Variants in ADAM32 observed in about 807,000 individuals in gnomAD.
The protein encoded by ADAM32 is disintegrin and metalloproteinase domain-containing protein 32.
In ADAM32, 89 loss-of-function variants were observed where a neutral mutation model predicts 114.9. The observed-to-expected ratio is 0.77, with a 90% CI of 0.65 to 0.92. The LOEUF is 0.92. Ranked by LOEUF, ADAM32 falls within the 40% of genes least tolerant of loss-of-function variation. ADAM32 has a pLI of 0.00. For synonymous variants in ADAM32, 285 were observed against 307.5 expected, an observed-to-expected ratio of 0.93 and a Z score of 0.77; for missense variants, 870 against 932.8, an observed-to-expected ratio of 0.93 and a Z score of 0.88.
intron 3 of ADAM32, among the ~76,000 whole-genome samples, chr8:39,141,174 T>C (rs1803130816): frequency 6.6e-6 from 1 of 152,192 alleles, no homozygotes. Context: ...GAAGGGATTT[T>C]GTGTCTCCAT....
At chr8:39,227,184 T>C (rs1203117912) in intron 14 of ADAM32, among the ~76,000 whole-genome samples, 2 of 152,006 alleles carry the variant, frequency 1.3e-5, no homozygotes, top group African/African-American at 4.8e-5. Context: ...ATACCATGAG[T>C]GCCCCAACTG....
intron 18 of ADAM32, 115 bp downstream of exon 18, chr8:39,254,631 G>T (rs929265620): frequency 2.8e-6 from 2 of 725,010 alleles, no homozygotes; most frequent in Non-Finnish European, 4.2e-6. Context: ...TAATAAAAAG[G>T]TAATCAGAAT....
chr8:39,155,959 T>C (rs938432542), intron 6 of ADAM32, among the ~76,000 whole-genome samples: 4 of 152,298 alleles, frequency 2.6e-5, no homozygotes, highest in African/African-American at 9.6e-5. Flanking sequence ...GCTGCTGCTA[T>C]ACAGCTTTGT....
At chr8:39,235,317 T>G (rs1008491543) in intron 16 of ADAM32, among the ~76,000 whole-genome samples, 3 of 152,134 alleles carry the variant, frequency 2.0e-5, no homozygotes, top group East Asian at 1.9e-4. Context: ...AGCCTTGGTA[T>G]CCTTAGATAT....
intron 11 of ADAM32, among the ~76,000 whole-genome samples, chr8:39,201,703 G>T (rs1270609316): frequency 6.6e-6 from 1 of 152,156 alleles, no homozygotes; most frequent in Non-Finnish European, 1.5e-5. Context: ...CCTGTCTTGT[G>T]GCAGTTTTCA....
rs1809051889 is a variant in ADAM32 at position 39,222,616 on chromosome 8, GTTT to G, written c.1327-420_1327-418del. 2.6e-5 allele frequency among the ~76,000 whole-genome samples: 4 copies of G among 152,160 alleles called. No individual in the cohort carries two copies. The South Asian group carries it at 8.3e-4, about 32-fold the overall frequency. ...AATAACACTTCTGTTTCCCTCTGCA[GTTT>G]TTTATGTTTCACAGTTGTCATAGAA... On this transcript the variant is annotated intron_variant, in intron 13 of 24. Transcript: ENST00000379907.
At chr8:39,281,542 C>T (rs1426286771) in intron 23 of ADAM32, among the ~76,000 whole-genome samples, 1 of 152,170 alleles carries the variant, frequency 6.6e-6, no homozygotes, top group South Asian at 2.1e-4. Context: ...GTTGCATTTA[C>T]ACCCCCAAAA....
At chr8:39,215,534 A>G (rs965524299) in intron 12 of ADAM32, among the ~76,000 whole-genome samples, 52 of 151,960 alleles carry the variant, frequency 3.4e-4, no homozygotes, top group Non-Finnish European at 1.2e-4. Context: ...AGCTATAAAC[A>G]TACCTTTTAG....
At chr8:39,267,682 A>G (rs984643112) in intron 19 of ADAM32, among the ~76,000 whole-genome samples, 1 of 152,174 alleles carries the variant, frequency 6.6e-6, no homozygotes, top group African/African-American at 2.4e-5. Context: ...CAAACAGAGG[A>G]AAGCAGGGGT....
chr8:39,274,199 T>C (rs1021887876), intron 20 of ADAM32, 113 bp from the exon 21 acceptor site: 5 of 966,754 alleles, frequency 5.2e-6, no homozygotes, highest in Non-Finnish European at 8.1e-6. Flanking sequence ...TATTTATTAG[T>C]AATTAGTCTT....
intron 12 of ADAM32, 96 bp from the exon 13 acceptor site, chr8:39,221,514 C>A (rs1243854040): frequency 2.1e-6 from 2 of 943,328 alleles, no homozygotes; most frequent in African/African-American, 1.7e-5. Flanking sequence ...TATCCTTTTC[C>A]AAATTCAAAC....
chr8:39,136,868 A>G, intron 3 of ADAM32, 150 bp downstream of exon 3: 1 of 608,516 alleles, frequency 1.6e-6, no homozygotes. Context: ...ACTTAATTAA[A>G]TTTTGGTTTT....
At chr8:39,218,472 C>T (rs1431678092) in intron 12 of ADAM32, among the ~76,000 whole-genome samples, 2 of 152,160 alleles carry the variant, frequency 1.3e-5, no homozygotes, top group African/African-American at 4.8e-5. Context: ...CTCACAGCCC[C>T]TGGGCAGGTG....
At chr8:39,134,541 C>G (rs1802672064) in intron 2 of ADAM32, among the ~76,000 whole-genome samples, 1 of 152,108 alleles carries the variant, frequency 6.6e-6, no homozygotes, top group Non-Finnish European at 1.5e-5. Context: ...TTCTAGTTCT[C>G]TCTCCTAGAT....
chr8:39,110,167 C>A (rs1329279566), intron 1 of ADAM32, among the ~76,000 whole-genome samples: 1 of 152,160 alleles, frequency 6.6e-6, no homozygotes, highest in Non-Finnish European at 1.5e-5. Flanking sequence ...CCTCCCGGTT[C>A]AAGCAATTTT....
At chr8:39,279,616 A>C (rs1229107345) in intron 22 of ADAM32, among the ~76,000 whole-genome samples, 1 of 152,042 alleles carries the variant, frequency 6.6e-6, no homozygotes, top group African/African-American at 2.4e-5. Context: ...TTCTTCATGT[A>C]TTACATCTTT....
rs182319051 is a variant in ADAM32, at chr8:39,211,291, G to A, written c.1200G>A (p.Glu400=). 539 of 1,581,758 alleles carry A rather than the reference G, an allele frequency of 3.4e-4. No individual in the cohort carries two copies. The highest frequency in any genetic ancestry group is 4.4e-4 in the Non-Finnish European group (508 of 1,164,420). The change falls in exon 12 of 25, where the codon GAG becomes GAA. Residue 400 remains glutamate, a synonymous_variant. Coordinates refer to ENST00000379907, the MANE Select transcript of ADAM32 (RefSeq NM_145004.7). ...CAGTCTGTGGCAATGGCAGATTGGA[G>A]GGAAATGAAATCTGTGATTGTGGTA... The part of the protein sequence containing the change: ...PKPVCGNGRL[E]GNEICDCGTE...
intron 9 of ADAM32, chr8:39,166,139 C>T (rs1188313808): frequency 6.6e-6 from 1 of 152,096 alleles, no homozygotes; most frequent in African/African-American, 2.4e-5. Flanking sequence ...TTTTGGTGCA[C>T]CCATCACCTG....
At chr8:39,278,212 A>G (rs557956096) in intron 22 of ADAM32, among the ~76,000 whole-genome samples, 1 of 152,230 alleles carries the variant, frequency 6.6e-6, no homozygotes, top group African/African-American at 2.4e-5. Flanking sequence ...ACATCCAGCC[A>G]TAGTCCCTGA....
Sources: allele counts gnomAD v4.1 joint callset (sites outside exome capture counted in the v4.1 genomes callset), GRCh38; gene constraint gnomAD v4.1.1; transcripts MANE v1.5; gene names NCBI Gene and HGNC (gene_info 2026-07-23, HGNC 2026-07-21).